CD53: variants seen among roughly 807,000 people sequenced by gnomAD.
CD53 encodes CD53 molecule.
A neutral mutation model predicts 27.3 loss-of-function variants in CD53; 20 were observed. The observed-to-expected ratio is 0.73, with a 90% CI of 0.52 to 1.07. CD53 has a LOEUF of 1.07. CD53 is among the 50% of genes least tolerant of loss of function. The pLI, the probability that CD53 is intolerant of heterozygous loss-of-function variation, is 0.00. For missense variants in CD53, 216 were observed against 264.0 expected, an observed-to-expected ratio of 0.82 and a Z score of 1.26; for synonymous variants, 106 against 105.3, an observed-to-expected ratio of 1.01 and a Z score of -0.04.
intron 1 of CD53, among the ~76,000 whole-genome samples, chr1:110,877,643 CTCT>C (rs530553134): frequency 9.2e-5 from 14 of 152,294 alleles, no homozygotes; most frequent in Non-Finnish European, 1.9e-4. Context: ...CCTTATTTCT[CTCT>C]TCTTCTATAA....
chr1:110,871,722 T>G (rs1313442466), upstream of CD53, among the ~76,000 whole-genome samples: 1 of 151,580 alleles, frequency 6.6e-6, no homozygotes, highest in Non-Finnish European at 1.5e-5. Flanking sequence ...CAGCTCTGAG[T>G]GAGGGTCAGT....
rs536925711 is a variant in CD53, at chr1:110,877,866, TACAGCGATA to T, written c.-18+4621_-18+4629del. 5.3e-5 allele frequency among the ~76,000 whole-genome samples: 8 copies of T among 152,368 alleles called. No individual in the cohort carries two copies. The East Asian group carries it at 1.3e-3, about 26-fold the overall frequency. On this transcript the variant is annotated intron_variant, in intron 1 of 7. Transcript: ENST00000271324. ...CTGCTTATTACTCTTCAAAAGGACGTACAGCGATAACTTTGATTGCACCTCAGCCACTGC... is the reference window on the plus strand; with the variant it reads ...CTGCTTATTACTCTTCAAAAGGACGTACTTTGATTGCACCTCAGCCACTGC...
chr1:110,872,615 CAG>C (rs2101032341), upstream of CD53, among the ~76,000 whole-genome samples: 1 of 152,296 alleles, frequency 6.6e-6, no homozygotes, highest in East Asian at 1.9e-4. Context: ...GCTCTCGAGA[CAG>C]AGAAGTCTGC....
intron 1 of CD53, among the ~76,000 whole-genome samples, chr1:110,873,637 C>T (rs1156449803): frequency 6.6e-6 from 1 of 152,108 alleles, no homozygotes; most frequent in African/African-American, 2.4e-5. Flanking sequence ...GAGGAAAGAA[C>T]CCACAGCCAG....
intron 1 of CD53, among the ~76,000 whole-genome samples, chr1:110,877,704 T>G (rs1656180632): frequency 6.6e-6 from 1 of 152,222 alleles, no homozygotes; most frequent in African/African-American, 2.4e-5. Context: ...AACAAAATTT[T>G]TATCAGATTA....
chr1:110,882,234 TA>T (rs1461086193), intron 1 of CD53, among the ~76,000 whole-genome samples: 2 of 152,174 alleles, frequency 1.3e-5, no homozygotes, highest in African/African-American at 4.8e-5. Context: ...ATTTTACCTT[TA>T]GATCTATGAT....
chr1:110,899,487 C>T lies in CD53; in HGVS notation c.*292C>T, dbSNP rs1055807490. The T allele has an allele frequency of 1.7e-5, 5 of 291,114 alleles. No individual in the cohort carries two copies. The highest frequency in any genetic ancestry group is 8.9e-5 in the African/African-American group (4 of 44,878). 18.0% of individuals were successfully genotyped at this position (291,114 alleles called of 1,614,324 possible). A position where few individuals can be genotyped will look rare whatever the true frequency, so the allele number is the denominator to read the frequency against. ...GCAAAGACAAACTGGATTTAATGGC[C>T]CAACATCAAAGGGTGAACCCAGGAT... is the stretch of plus-strand genomic sequence containing the variant. On this transcript the variant is annotated 3_prime_UTR_variant, in exon 8 of 8. Transcript: ENST00000271324.
chr1:110,885,605 G>A (rs1656552514), intron 1 of CD53, among the ~76,000 whole-genome samples: 1 of 152,000 alleles, frequency 6.6e-6, no homozygotes, highest in Admixed American at 6.6e-5. Flanking sequence ...GCTCAAGCCT[G>A]TAATCCCAAC....
At chr1:110,892,803 T>C in intron 3 of CD53, 1 of 351,242 alleles carries the variant, frequency 2.8e-6, no homozygotes, top group Non-Finnish European at 5.1e-6. Flanking sequence ...TTCCCCTTTA[T>C]AGCATTTTAT....
chr1:110,874,193 G>T (rs1183635506), intron 1 of CD53, among the ~76,000 whole-genome samples: 1 of 152,228 alleles, frequency 6.6e-6, no homozygotes, highest in Non-Finnish European at 1.5e-5. Context: ...ATCTAAGTAT[G>T]AGGATTGGGA....
chr1:110,881,946 C>T (rs1280105610), intron 1 of CD53, among the ~76,000 whole-genome samples: 1 of 152,138 alleles, frequency 6.6e-6, no homozygotes, highest in African/African-American at 2.4e-5. Context: ...ATCTTTTGCC[C>T]ATTTTAAAAA....
chr1:110,880,905 T>C (rs1225385407), intron 1 of CD53, among the ~76,000 whole-genome samples: 1 of 152,072 alleles, frequency 6.6e-6, no homozygotes, highest in Non-Finnish European at 1.5e-5. Flanking sequence ...GAGGACTTCC[T>C]GGAAAAGTGA....
chr1:110,891,524 C>T (rs1012008951), intron 2 of CD53, 53 bp downstream of exon 2: 3 of 1,361,250 alleles, frequency 2.2e-6, no homozygotes, highest in African/African-American at 1.4e-5. Flanking sequence ...CAGCTAAGCT[C>T]TCCTCATTCC....
intron 1 of CD53, among the ~76,000 whole-genome samples, chr1:110,879,028 TG>T (rs1656238109): frequency 6.6e-6 from 1 of 152,002 alleles, no homozygotes. Context: ...GATTTCTTTT[TG>T]TTTTTTTATT....
intron 3 of CD53, among the ~76,000 whole-genome samples, chr1:110,893,726 C>A (rs1656947134): frequency 1.3e-5 from 2 of 152,158 alleles, no homozygotes; most frequent in African/African-American, 2.4e-5. Flanking sequence ...AGATAGCAGA[C>A]ATGGGGTAAG....
intron 3 of CD53, 66 bp downstream of exon 3, chr1:110,892,599 G>T: frequency 7.7e-7 from 1 of 1,305,150 alleles, no homozygotes; most frequent in African/African-American, 1.5e-5. Context: ...CAGGCAAGAT[G>T]TTTCTTGGTA....
intron 1 of CD53, among the ~76,000 whole-genome samples, chr1:110,886,869 A>ATATATTT (rs1298376721): frequency 3.4e-4 from 28 of 82,782 alleles, no homozygotes; most frequent in South Asian, 1.3e-3. Context: ...ATATATATAT[A>ATATATTT]TTTTTTTTTT....
chr1:110,897,793 C>A lies in CD53; in HGVS notation c.505-16C>A. The A allele has an allele frequency of 5.2e-6, 8 of 1,527,230 alleles. No individual in the cohort carries two copies. The highest frequency in any genetic ancestry group is 7.3e-6 in the Non-Finnish European group (8 of 1,102,638). 94.6% of individuals were successfully genotyped at this position (1,527,230 alleles called of 1,614,324 possible). Reference sequence around the variant, plus strand: ...AATTATAGAGTAGTATCATTTGTAACTGAAATGTCTTCTAGGGTTGCTATG... The same window carrying A: ...AATTATAGAGTAGTATCATTTGTAAATGAAATGTCTTCTAGGGTTGCTATG... On this transcript the variant is annotated splice_polypyrimidine_tract_variant and intron_variant, in intron 6 of 7. Transcript: ENST00000271324.
chr1:110,897,525 C>T (rs559716144), intron 6 of CD53: 246 of 272,724 alleles, frequency 9.0e-4, no homozygotes, highest in African/African-American at 5.1e-3. Flanking sequence ...AGTAGGACGT[C>T]GGTTGCTGAC....
Sources: allele counts gnomAD v4.1 joint callset (sites outside exome capture counted in the v4.1 genomes callset), GRCh38; gene constraint gnomAD v4.1.1; transcripts MANE v1.5; gene names NCBI Gene and HGNC (gene_info 2026-07-23, HGNC 2026-07-21).